The following TMEM132D variants were observed in gnomAD, a reference collection of about 807,000 sequenced individuals.
TMEM132D encodes mature OL transmembrane protein.
TMEM132D carries 21 observed loss-of-function variants against 62.3 expected under a neutral mutation model. The ratio of observed to expected loss-of-function variants is 0.34; its 90% CI spans 0.24 to 0.49. The LOEUF is 0.49. TMEM132D is among the 20% of genes least tolerant of loss of function. The pLI is 0.99. For synonymous variants in TMEM132D, 621 were observed against 575.6 expected, an observed-to-expected ratio of 1.08 and a Z score of -1.13; for missense variants, 1,346 against 1,402.8, an observed-to-expected ratio of 0.96 and a Z score of 0.65.
At chr12:129,293,968 G>C (rs185163320) in intron 4 of TMEM132D, among the ~76,000 whole-genome samples, 1 of 151,892 alleles carries the variant, frequency 6.6e-6, no homozygotes, top group South Asian at 2.1e-4. Flanking sequence ...GAAGAGGAGA[G>C]GGGGGCCCCA....
At chr12:129,278,375 C>T (rs1593320794) in intron 4 of TMEM132D, among the ~76,000 whole-genome samples, 1 of 152,174 alleles carries the variant, frequency 6.6e-6, no homozygotes, top group South Asian at 2.1e-4. Flanking sequence ...TGTTATGTAG[C>T]TGCTGGGGAC....
At chr12:129,459,082 A>G (rs550050520) in intron 3 of TMEM132D, among the ~76,000 whole-genome samples, 11 of 152,252 alleles carry the variant, frequency 7.2e-5, no homozygotes, top group Admixed American at 4.6e-4. Context: ...GGCACCAGGA[A>G]CACTTCTTCC....
intron 5 of TMEM132D, among the ~76,000 whole-genome samples, chr12:129,122,862 T>A (rs1361091180): frequency 6.6e-6 from 1 of 152,182 alleles, no homozygotes; most frequent in Non-Finnish European, 1.5e-5. Context: ...TCATAACACA[T>A]CACACCAAAG....
chr12:129,903,421 G>T lies in TMEM132D; in HGVS notation c.-82C>A. The T allele has an allele frequency of 2.1e-6, 3 of 1,438,824 alleles. No individual in the cohort carries two copies. Among genetic ancestry groups the T allele is most frequent in the Non-Finnish European group, 2.9e-6 (3 of 1,051,242 alleles). 89.1% of individuals were successfully genotyped at this position (1,438,824 alleles called of 1,614,324 possible). The stretch of plus-strand genomic sequence containing the variant: ...GACCGTCTCAGTCCCCTAGAGGCCC[G>T]CAGCGGGGCCGGTGGCGAGGGAGCG... On this transcript the variant is annotated 5_prime_UTR_variant, in exon 1 of 9. Coordinates refer to ENST00000422113, the MANE Select transcript of TMEM132D (RefSeq NM_133448.3). This position sits in a 1 kb window ranked among gnomAD's most constrained non-coding sequence, Gnocchi z 6.2.
At chr12:129,610,152 T>C (rs1878731846) in intron 2 of TMEM132D, among the ~76,000 whole-genome samples, 1 of 151,958 alleles carries the variant, frequency 6.6e-6, no homozygotes, top group Non-Finnish European at 1.5e-5. Context: ...GTGCCTGTAA[T>C]CCCAGCTACT....
chr12:129,447,561 G>T lies in TMEM132D; in HGVS notation c.1115+83498C>A, dbSNP rs1028730044. ...AAACATGAGGATTTAAAGACATCTT[G>T]TATGGAACAAAGCCTTTCTCCTTGA... On this transcript the variant is annotated intron_variant, in intron 3 of 8. Transcript: ENST00000422113. 6.6e-5 allele frequency among the ~76,000 whole-genome samples: 10 copies of T among 152,180 alleles called. 1 individual carries two copies. Among genetic ancestry groups the T allele is most frequent in the East Asian group, 5.8e-4 (3 of 5,188 alleles).
At chr12:129,748,575 T>G (rs1209555901) in intron 1 of TMEM132D, among the ~76,000 whole-genome samples, 1 of 152,180 alleles carries the variant, frequency 6.6e-6, no homozygotes, top group Non-Finnish European at 1.5e-5. Flanking sequence ...ATCTGGGCAC[T>G]ATTTCAACGA....
At chr12:129,788,391 G>A (rs1871301033) in intron 1 of TMEM132D, among the ~76,000 whole-genome samples, 1 of 152,184 alleles carries the variant, frequency 6.6e-6, no homozygotes, top group Non-Finnish European at 1.5e-5. Flanking sequence ...ATATTGTTTA[G>A]TTGCTTGCGC....
At chr12:129,488,675 G>GAAAAAC (rs1874661946) in intron 3 of TMEM132D, among the ~76,000 whole-genome samples, 1 of 152,058 alleles carries the variant, frequency 6.6e-6, no homozygotes, top group African/African-American at 2.4e-5. Context: ...TCTGTCTGGA[G>GAAAAAC]GAAAACAAAA....
intron 2 of TMEM132D, among the ~76,000 whole-genome samples, chr12:129,578,223 T>TC (rs1877732901): frequency 6.6e-6 from 1 of 152,148 alleles, no homozygotes; most frequent in African/African-American, 2.4e-5. Flanking sequence ...CTCTTAGCTC[T>TC]CAGGCCTTCG....
chr12:129,851,468 C>T (rs535730349), intron 1 of TMEM132D, among the ~76,000 whole-genome samples: 185 of 152,258 alleles, frequency 1.2e-3, no homozygotes, highest in African/African-American at 4.3e-3. Flanking sequence ...ATTAACACTG[C>T]TCTAGGTTGG....
rs111812006 is a variant in TMEM132D at position 129,292,941 on chromosome 12, A to C, written c.1299+44693T>G. 3.4e-3 allele frequency among the ~76,000 whole-genome samples: 520 copies of C among 152,288 alleles called. 3 individuals are homozygous for C. Among genetic ancestry groups the C allele is most frequent in the African/African-American group, 0.012 (501 of 41,560 alleles). On this transcript the variant is annotated intron_variant, in intron 4 of 8. Transcript: ENST00000422113. ...TCCACAAGTTAGTCCTCAAACTAAA[A>C]GGGAGGGAGGGTAGTCAGTGGAGAA... is the stretch of plus-strand genomic sequence containing the variant.
At chr12:129,192,612 G>C (rs960109853) in intron 5 of TMEM132D, among the ~76,000 whole-genome samples, 1 of 152,140 alleles carries the variant, frequency 6.6e-6, no homozygotes. Flanking sequence ...ACATATTTTT[G>C]CCATTGGTGT....
intron 3 of TMEM132D, among the ~76,000 whole-genome samples, chr12:129,505,177 T>G (rs1233967732): frequency 6.6e-6 from 1 of 152,234 alleles, no homozygotes; most frequent in Non-Finnish European, 1.5e-5. Flanking sequence ...ATGAACAGAA[T>G]GTATATTCTG....
At chr12:129,754,699 A>G (rs994200986) in intron 1 of TMEM132D, among the ~76,000 whole-genome samples, 1 of 152,224 alleles carries the variant, frequency 6.6e-6, no homozygotes, top group Non-Finnish European at 1.5e-5. Context: ...GTTTAAAACC[A>G]AAGTGCTTTT....
chr12:129,546,507 T>G (rs7308100), intron 2 of TMEM132D, among the ~76,000 whole-genome samples: 36,973 of 151,978 alleles, frequency 0.24, 4,689 homozygotes, highest in East Asian at 0.41. Context: ...CCCCAGTAAT[T>G]CACAGCAAGC....
chr12:129,556,945 CCCT>C (rs1222936887), intron 2 of TMEM132D, among the ~76,000 whole-genome samples: 3 of 152,248 alleles, frequency 2.0e-5, no homozygotes, highest in African/African-American at 7.2e-5. Flanking sequence ...TTAAAATTTT[CCCT>C]CCTAAGCTGC....
intron 1 of TMEM132D, among the ~76,000 whole-genome samples, chr12:129,881,848 T>G (rs1874606515): frequency 6.6e-6 from 1 of 151,948 alleles, no homozygotes; most frequent in African/African-American, 2.4e-5. Context: ...GCTGCCTCTT[T>G]GAGTTAACAG....
intron 4 of TMEM132D, among the ~76,000 whole-genome samples, chr12:129,296,388 C>G (rs1881576858): frequency 6.6e-6 from 1 of 152,214 alleles, no homozygotes; most frequent in Non-Finnish European, 1.5e-5. Context: ...GTTCTATTCA[C>G]TGCAACAGAG....
Sources: gnomAD v4.1 joint callset for allele counts (sites outside exome capture counted in the v4.1 genomes callset) on GRCh38, gnomAD v4.1.1 for gene constraint, Gnocchi (gnomAD v3.1) non-coding constraint, MANE v1.5 for transcripts, NCBI Gene and HGNC (gene_info 2026-07-23, HGNC 2026-07-21) for gene names.